ADAMTSL1: variants seen among roughly 807,000 people sequenced by gnomAD.
ADAMTSL1 encodes the protein ADAMTS like 1, also known as ADAMTS-like protein 1.
Under a neutral mutation model 201.8 loss-of-function variants are expected in ADAMTSL1, and 126 were observed. The observed-to-expected ratio is 0.62, with a 90% CI of 0.54 to 0.72. The LOEUF is 0.72. Ranked by LOEUF, ADAMTSL1 falls within the 30% of genes least tolerant of loss-of-function variation. The pLI, the probability that ADAMTSL1 is intolerant of heterozygous loss-of-function variation, is 0.00. For missense variants in ADAMTSL1, 2,679 were observed against 2,277.8 expected (o/e 1.18, Z -3.59); for synonymous variants, 1,121 against 903.4 (o/e 1.24, Z -4.32).
At chr9:17,963,950 A>G (rs1329913) in intron 1 of ADAMTSL1, among the ~76,000 whole-genome samples, 122,190 of 151,482 alleles carry the variant, frequency 0.81, 49,802 homozygotes, top group East Asian at 0.94. Context: ...CTGTGCCTTT[A>G]ACATGCTCAT....
At chr9:18,179,696 C>T (rs1026699822) in intron 2 of ADAMTSL1, among the ~76,000 whole-genome samples, 1 of 152,194 alleles carries the variant, frequency 6.6e-6, no homozygotes, top group Non-Finnish European at 1.5e-5. Context: ...ACTCTACAAG[C>T]CAGAAGAGAG....
intron 23 of ADAMTSL1, among the ~76,000 whole-genome samples, chr9:18,849,204 T>C (rs1563855972): frequency 1.3e-5 from 2 of 152,198 alleles, no homozygotes; most frequent in African/African-American, 4.8e-5. Context: ...AAAACAGGAC[T>C]AGGTGGCAGG....
At chr9:18,451,994 T>C (rs540409082) in intron 2 of ADAMTSL1, among the ~76,000 whole-genome samples, 8 of 152,208 alleles carry the variant, frequency 5.3e-5, no homozygotes, top group African/African-American at 1.9e-4. Context: ...CACCACAACC[T>C]CTGCCTCCCA....
At chr9:18,099,122 T>A (rs148630402) in intron 1 of ADAMTSL1, among the ~76,000 whole-genome samples, 15 of 150,826 alleles carry the variant, frequency 9.9e-5, no homozygotes, top group African/African-American at 3.2e-4. Flanking sequence ...TTTAAATTGT[T>A]GTTATTTGTT....
chr9:18,168,303 G>C (rs150191712), intron 2 of ADAMTSL1, among the ~76,000 whole-genome samples: 1 of 152,084 alleles, frequency 6.6e-6, no homozygotes, highest in African/African-American at 2.4e-5. Flanking sequence ...GGTCCCTGGT[G>C]TGTGATGTTC....
chr9:18,256,514 A>G (rs907233992), intron 2 of ADAMTSL1, among the ~76,000 whole-genome samples: 6 of 152,232 alleles, frequency 3.9e-5, no homozygotes, highest in African/African-American at 9.6e-5. Context: ...TGTCTAAAAC[A>G]CTATCCTAGA....
intron 23 of ADAMTSL1, among the ~76,000 whole-genome samples, chr9:18,845,633 T>A (rs1305310568): frequency 6.6e-6 from 1 of 152,246 alleles, no homozygotes; most frequent in African/African-American, 2.4e-5. Flanking sequence ...TATGCATTTT[T>A]TTCTCTGCTT....
At chr9:18,855,092 A>G (rs1284412501) in intron 23 of ADAMTSL1, among the ~76,000 whole-genome samples, 1 of 152,098 alleles carries the variant, frequency 6.6e-6, no homozygotes, top group Non-Finnish European at 1.5e-5. Context: ...TGATATCTTG[A>G]CCATCACAGA....
chr9:18,886,640 G>C (rs141289210), intron 23 of ADAMTSL1, among the ~76,000 whole-genome samples: 3 of 152,292 alleles, frequency 2.0e-5, no homozygotes, highest in African/African-American at 7.2e-5. Context: ...GCTTCTCATT[G>C]TGTCCCACAT....
chr9:17,989,350 G>C (rs566983855), intron 1 of ADAMTSL1, among the ~76,000 whole-genome samples: 1 of 151,540 alleles, frequency 6.6e-6, no homozygotes, highest in South Asian at 2.1e-4. Context: ...CTTTTTTCAG[G>C]CTCACAATAG....
chr9:18,192,230 G>A (rs1218649717), intron 2 of ADAMTSL1, among the ~76,000 whole-genome samples: 1 of 152,038 alleles, frequency 6.6e-6, no homozygotes, highest in Non-Finnish European at 1.5e-5. Flanking sequence ...GTGTTTCTAT[G>A]AAAGATTTAT....
intron 2 of ADAMTSL1, among the ~76,000 whole-genome samples, chr9:18,296,827 TG>T (rs1833496185): frequency 6.6e-6 from 1 of 152,184 alleles, no homozygotes; most frequent in African/African-American, 2.4e-5. Flanking sequence ...TCATTTACGC[TG>T]GAGGTCAATG....
chr9:18,295,770 T>C (rs2891122), intron 2 of ADAMTSL1, among the ~76,000 whole-genome samples: 106,943 of 152,070 alleles, frequency 0.7, 37,711 homozygotes, highest in South Asian at 0.8. Flanking sequence ...AAGCATGGAT[T>C]GACCTTAAAA....
chr9:17,959,324 G>A lies in ADAMTSL1; in HGVS notation c.87+52402G>A, dbSNP rs138534032. Among the ~76,000 whole-genome samples the A allele has an allele frequency of 2.2e-4, 33 of 152,174 alleles. No homozygotes were observed. In the East Asian group the frequency reaches 3.7e-3, roughly 17 times the overall value. ...TGCATTAGAGGTCTGCTATTTTGGCGTTTTTGTATGATTAAAAGTTTAGCT... is the reference window on the plus strand; with the variant it reads ...TGCATTAGAGGTCTGCTATTTTGGCATTTTTGTATGATTAAAAGTTTAGCT... On this transcript the variant is annotated intron_variant, in intron 1 of 29. Coordinates refer to the ADAMTSL1 transcript ENST00000680146.
intron 2 of ADAMTSL1, among the ~76,000 whole-genome samples, chr9:18,219,428 G>A (rs1830174181): frequency 6.6e-6 from 1 of 151,528 alleles, no homozygotes; most frequent in Non-Finnish European, 1.5e-5. Context: ...AAGTGCAGTG[G>A]CACAACCTCG....
intron 12 of ADAMTSL1, among the ~76,000 whole-genome samples, chr9:18,682,312 G>C (rs1316388972): frequency 6.6e-6 from 1 of 152,078 alleles, no homozygotes; most frequent in African/African-American, 2.4e-5. Flanking sequence ...TAAAAACAAG[G>C]GAGTGAATCC....
chr9:18,633,504 A>C (rs1415065540), intron 5 of ADAMTSL1, among the ~76,000 whole-genome samples: 1 of 152,024 alleles, frequency 6.6e-6, no homozygotes, highest in Non-Finnish European at 1.5e-5. Context: ...CAGGAGAATC[A>C]CTTGAACCCA....
At chr9:18,760,221 A>G (rs1819995653) in intron 16 of ADAMTSL1, among the ~76,000 whole-genome samples, 1 of 152,096 alleles carries the variant, frequency 6.6e-6, no homozygotes, top group African/African-American at 2.4e-5. Flanking sequence ...CTTTGTCAAC[A>G]TCTATACCCT....
intron 1 of ADAMTSL1, among the ~76,000 whole-genome samples, chr9:17,946,297 C>T (rs1203613177): frequency 6.6e-6 from 1 of 152,066 alleles, no homozygotes; most frequent in Admixed American, 6.6e-5. Flanking sequence ...TCATGCCGAG[C>T]TGACCTTAAT....
Sources: gnomAD v4.1 joint callset for allele counts (sites outside exome capture counted in the v4.1 genomes callset) on GRCh38, gnomAD v4.1.1 for gene constraint, MANE v1.5 for transcripts, NCBI Gene and HGNC (gene_info 2026-07-23, HGNC 2026-07-21) for gene names.